Variants in NCAPD3 observed in about 807,000 individuals in gnomAD.
NCAPD3 encodes the protein condensin-2 complex subunit D3.
In NCAPD3, 105 loss-of-function variants were observed where a neutral mutation model predicts 182.9. That is an observed-to-expected ratio of 0.57 (90% CI 0.49 to 0.68). The LOEUF (loss-of-function observed/expected upper bound fraction) is 0.68, where lower values mean the gene tolerates loss of function less well. Among genes scored for constraint, NCAPD3 ranks in the 30% least tolerant of loss-of-function variants. NCAPD3 has a pLI of 0.00. For missense variants in NCAPD3, 1,944 were observed against 1,837.0 expected (o/e 1.06, Z -1.07); for synonymous variants, 815 against 679.9 (o/e 1.20, Z -3.09).
At chr11:134,167,912 G>C (rs1943903075) in intron 27 of NCAPD3, 84 bp downstream of exon 27, 2 of 1,231,914 alleles carry the variant, frequency 1.6e-6, no homozygotes, top group African/African-American at 3.0e-5. Flanking sequence ...ATGAGCTTGG[G>C]GGAGGTGCAC....
chr11:134,162,573 A>G (rs988790689), intron 27 of NCAPD3, among the ~76,000 whole-genome samples: 4 of 152,206 alleles, frequency 2.6e-5, no homozygotes, highest in African/African-American at 9.6e-5. Context: ...CTTCTCATTT[A>G]AAGTCACTAG....
intron 25 of NCAPD3, 111 bp from the exon 26 acceptor site, chr11:134,168,713 TAC>T: frequency 1.4e-6 from 2 of 1,467,004 alleles, no homozygotes; most frequent in East Asian, 2.3e-5. Flanking sequence ...TCCAGTGCAC[TAC>T]AGAGATCCCA....
chr11:134,208,234 A>G (rs951056414), intron 7 of NCAPD3, among the ~76,000 whole-genome samples: 1 of 152,106 alleles, frequency 6.6e-6, no homozygotes, highest in Non-Finnish European at 1.5e-5. Context: ...GGTCCAACAC[A>G]TTTTTTTGCA....
rs1002577765 is a variant in NCAPD3, at chr11:134,206,722, C to A, written c.893G>T (p.Cys298Phe). The change falls in exon 8 of 35, where the codon TGT becomes TTT. Residue 298 changes from cysteine to phenylalanine, a missense_variant. Cys to Phe is a radical substitution (Grantham distance 205). Around this residue, in one of 3 missense-constraint regions of NCAPD3, gnomAD observed 1,803 missense variants for 1,674.6 expected, o/e 1.08. Coordinates refer to ENST00000534548, the MANE Select transcript of NCAPD3 (RefSeq NM_015261.3). ...TACACTGAGCATTTGATGGAAAACA[C>A]AACTGATGACCTAGAAGAGAAAAGA... ...IHGEGDKVIS[C>F]VFHQMLSVIL... 2 of 1,608,104 alleles carry A rather than the reference C, an allele frequency of 1.2e-6. No individual in the cohort carries two copies. The highest frequency in any genetic ancestry group is 2.7e-5 in the African/African-American group (2 of 74,430).
At chr11:134,211,675 A>G (rs1396627786) in intron 3 of NCAPD3, among the ~76,000 whole-genome samples, 1 of 152,134 alleles carries the variant, frequency 6.6e-6, no homozygotes, top group African/African-American at 2.4e-5. Context: ...AAAGTAAAAC[A>G]TTATCATGAG....
At chr11:134,169,388 G>A (rs1943951818) in intron 24 of NCAPD3, among the ~76,000 whole-genome samples, 1 of 152,208 alleles carries the variant, frequency 6.6e-6, no homozygotes, top group South Asian at 2.1e-4. Context: ...GCAATCAGAG[G>A]CCAGTGGTCT....
intron 29 of NCAPD3, 133 bp from the exon 30 acceptor site, chr11:134,158,628 G>A (rs1268986563): frequency 1.1e-6 from 1 of 947,886 alleles, no homozygotes; most frequent in South Asian, 1.7e-5. Flanking sequence ...GATCAAATCA[G>A]GGTAATTGGC....
Position 134,177,229 on chromosome 11 carries a change from T to A in NCAPD3, c.3011A>T (p.Asn1004Ile), listed in dbSNP as rs773802954. The change falls in exon 23 of 35, where the codon AAT (asparagine) becomes ATT (isoleucine). Residue 1004 changes from asparagine (N) to isoleucine (I), a missense_variant. Physicochemically the swap from Asn to Ile is moderately radical, Grantham distance 149. This residue lies in a region of NCAPD3 where 1,803 missense variants were observed against 1,674.6 expected (regional missense o/e 1.08). Transcript: ENST00000534548. ...IRKQTLILLT[N>I]LLQEEFVKWK... Reference sequence around the variant, plus strand: ...AACCCCCCTACGCACCTGCAAGAGATTGGTAAGCAAGATGAGTGTCTGCTT... The same window carrying A: ...AACCCCCCTACGCACCTGCAAGAGAATGGTAAGCAAGATGAGTGTCTGCTT... 2.5e-6 allele frequency: 4 copies of A among 1,613,422 alleles called. No individual in the cohort carries two copies. The highest frequency in any genetic ancestry group is 3.4e-6 in the Non-Finnish European group (4 of 1,179,350).
chr11:134,195,520 A>G (rs889514261), intron 13 of NCAPD3, among the ~76,000 whole-genome samples: 1 of 152,222 alleles, frequency 6.6e-6, no homozygotes, highest in Non-Finnish European at 1.5e-5. Context: ...ATTTTAAAAG[A>G]GCAAGATATG....
intron 27 of NCAPD3, 99 bp downstream of exon 27, chr11:134,167,895 TTG>T (rs1403633383): frequency 3.8e-6 from 4 of 1,043,846 alleles, no homozygotes; most frequent in Non-Finnish European, 5.8e-6. Flanking sequence ...GCACACTCAC[TTG>T]TGAGATGAGC....
At position 134,168,912 on chromosome 11, in the gene NCAPD3, C is replaced by T. The variant is rs1265267589; in HGVS notation, c.3239+5G>A. Reference sequence around the variant, plus strand: ...AAGGAGACCAGACTTAGCTGCTTCACTGACCTCTCTGACTGGGGGAACTTG... The same window carrying T: ...AAGGAGACCAGACTTAGCTGCTTCATTGACCTCTCTGACTGGGGGAACTTG... On this transcript the variant is annotated splice_donor_5th_base_variant and intron_variant, in intron 25 of 34. Transcript: ENST00000534548. The T allele has an allele frequency of 6.2e-7, 1 of 1,611,812 alleles. No individual in the cohort carries two copies. The highest frequency in any genetic ancestry group is 2.2e-5 in the East Asian group (1 of 44,872).
At chr11:134,196,245 T>C (rs753013662) in intron 13 of NCAPD3, among the ~76,000 whole-genome samples, 2 of 152,070 alleles carry the variant, frequency 1.3e-5, no homozygotes, top group Non-Finnish European at 2.9e-5. Context: ...GTAGCCTACA[T>C]AAAAGAAACA....
In NCAPD3 at chr11:134,168,056, T is replaced by A. The variant is rs746301403; in HGVS notation, c.3513A>T (p.Glu1171Asp). 12 of 1,614,066 alleles carry A rather than the reference T, an allele frequency of 7.4e-6. No homozygotes were observed. The highest frequency in any genetic ancestry group is 1.1e-5 in the South Asian group (1 of 91,086). ...SKPDKDLLME[E>D]DDMALANVVM... is the part of the protein sequence containing the mutation. ...CTACATTTGCCAAGGCCATGTCATC[T>A]TCTTCCATAAGGAGGTCTTTGTCTG... The change falls in exon 27 of 35, where the codon GAA (glutamate) becomes GAT (aspartate). Residue 1171 changes from glutamate (E) to aspartate (D), a missense_variant. Around this residue, in one of 3 missense-constraint regions of NCAPD3, gnomAD observed 1,803 missense variants for 1,674.6 expected, o/e 1.08. Coordinates refer to ENST00000534548, the MANE Select transcript of NCAPD3 (RefSeq NM_015261.3).
At chr11:134,184,407 C>T (rs914598038) in intron 19 of NCAPD3, among the ~76,000 whole-genome samples, 3 of 152,214 alleles carry the variant, frequency 2.0e-5, no homozygotes, top group South Asian at 2.1e-4. Context: ...CTCGCACCTG[C>T]GATCAAGGTG....
chr11:134,164,913 CACTT>C (rs556200160), intron 27 of NCAPD3, among the ~76,000 whole-genome samples: 74 of 151,430 alleles, frequency 4.9e-4, no homozygotes, highest in African/African-American at 7.3e-4. Context: ...GCTGCACACT[CACTT>C]GTGAGATGAG....
At chr11:134,176,626 C>CT (rs1176209806) in intron 23 of NCAPD3, among the ~76,000 whole-genome samples, 8 of 152,212 alleles carry the variant, frequency 5.3e-5, no homozygotes, top group African/African-American at 1.9e-4. Context: ...GTGCCACCCT[C>CT]TATTTATAAT....
intron 16 of NCAPD3, among the ~76,000 whole-genome samples, chr11:134,188,780 C>A (rs1248820917): frequency 2.0e-5 from 3 of 152,170 alleles, no homozygotes; most frequent in Non-Finnish European, 4.4e-5. Flanking sequence ...CGAAGGTCTG[C>A]GGCTTTATTC....
At chr11:134,203,067 A>G (rs1207181494) in intron 12 of NCAPD3, 75 bp downstream of exon 12, 8 of 1,295,918 alleles carry the variant, frequency 6.2e-6, no homozygotes, top group Non-Finnish European at 8.7e-6. Flanking sequence ...TAAGGAGGTA[A>G]GAAAAACATT....
At chr11:134,183,092 C>A (rs565209475) in intron 19 of NCAPD3, 2 of 456,058 alleles carry the variant, frequency 4.4e-6, no homozygotes, top group Non-Finnish European at 8.8e-6. Context: ...CAGCAGCAAG[C>A]GGCAGATGAC....
Sources: allele counts gnomAD v4.1 joint callset (sites outside exome capture counted in the v4.1 genomes callset), GRCh38; gene constraint gnomAD v4.1.1; regional missense constraint gnomAD v4.1.1; transcripts MANE v1.5; gene names NCBI Gene and HGNC (gene_info 2026-07-23, HGNC 2026-07-21).